Variants in ADAMTS6 observed in about 807,000 individuals in gnomAD.
ADAMTS6 encodes A disintegrin and metalloproteinase with thrombospondin motifs 6.
A neutral mutation model predicts 144.3 loss-of-function variants in ADAMTS6; 23 were observed. The observed-to-expected ratio is 0.16, with a 90% confidence interval of 0.11 to 0.23. The LOEUF (loss-of-function observed/expected upper bound fraction) is 0.23. ADAMTS6 is among the 10% of genes least tolerant of loss of function. The pLI is 1.00. For synonymous variants in ADAMTS6, 444 were observed against 457.5 expected, an observed-to-expected ratio of 0.97 and a Z score of 0.38; for missense variants, 999 against 1,379.6, an observed-to-expected ratio of 0.72 and a Z score of 4.37.
At chr5:65,383,374 A>G (rs556504688) in intron 7 of ADAMTS6, among the ~76,000 whole-genome samples, 2 of 152,278 alleles carry the variant, frequency 1.3e-5, no homozygotes, top group African/African-American at 4.8e-5. Flanking sequence ...AAACTTCCAA[A>G]ATACAATGGT....
intron 24 of ADAMTS6, among the ~76,000 whole-genome samples, chr5:65,158,064 C>T (rs1014464906): frequency 6.6e-6 from 1 of 152,114 alleles, no homozygotes; most frequent in East Asian, 1.9e-4. Context: ...AATCTCAACC[C>T]AAATCCAGGG....
chr5:65,262,695 G>T (rs1202834761), intron 13 of ADAMTS6, 122 bp downstream of exon 13: 38 of 1,206,614 alleles, frequency 3.1e-5, no homozygotes, highest in Non-Finnish European at 2.2e-6. Context: ...CCTATGGCTT[G>T]TTCTGAAGAC....
intron 7 of ADAMTS6, among the ~76,000 whole-genome samples, chr5:65,369,277 G>T (rs892336384): frequency 6.6e-6 from 1 of 151,988 alleles, no homozygotes; most frequent in African/African-American, 2.4e-5. Context: ...TATAAATTGG[G>T]TAAGTTTATA....
At chr5:65,466,973 C>T (rs1425518986) in intron 3 of ADAMTS6, among the ~76,000 whole-genome samples, 3 of 150,170 alleles carry the variant, frequency 2.0e-5, no homozygotes, top group Non-Finnish European at 3.0e-5. Flanking sequence ...ACCCGGGAGG[C>T]GGAGCTTGCA....
chr5:65,444,823 T>C (rs1170621018), intron 7 of ADAMTS6, among the ~76,000 whole-genome samples: 1 of 152,200 alleles, frequency 6.6e-6, no homozygotes, highest in Non-Finnish European at 1.5e-5. Flanking sequence ...AAGGACTTTG[T>C]AGCAAGACTG....
chr5:65,266,185 C>CA (rs1401299923), intron 12 of ADAMTS6, among the ~76,000 whole-genome samples: 2 of 151,792 alleles, frequency 1.3e-5, no homozygotes, highest in African/African-American at 4.8e-5. Flanking sequence ...AGAATGCTCA[C>CA]AAAATGTAGG....
intron 3 of ADAMTS6, among the ~76,000 whole-genome samples, chr5:65,466,788 A>G (rs1287505638): frequency 5.3e-5 from 8 of 152,212 alleles, no homozygotes; most frequent in Non-Finnish European, 4.4e-5. Flanking sequence ...CACGCCTGTA[A>G]TCCCAGCACT....
intron 22 of ADAMTS6, among the ~76,000 whole-genome samples, chr5:65,184,601 G>A (rs1322198099): frequency 6.6e-6 from 1 of 152,144 alleles, no homozygotes; most frequent in Non-Finnish European, 1.5e-5. Context: ...CAAAAGCATG[G>A]GTTAGGGCTG....
At chr5:65,261,627 A>C (rs1561345482) in intron 13 of ADAMTS6, among the ~76,000 whole-genome samples, 1 of 152,162 alleles carries the variant, frequency 6.6e-6, no homozygotes, top group African/African-American at 2.4e-5. Flanking sequence ...GTGAATGCTG[A>C]CTCTAAGTAA....
At chr5:65,196,899 T>A (rs771846664) in intron 21 of ADAMTS6, 123 bp downstream of exon 21, 9 of 1,210,820 alleles carry the variant, frequency 7.4e-6, no homozygotes, top group African/African-American at 1.5e-5. Flanking sequence ...CCTCTCAGGA[T>A]GTTTTCTACC....
intron 23 of ADAMTS6, among the ~76,000 whole-genome samples, chr5:65,171,282 T>C (rs1753612398): frequency 6.6e-6 from 1 of 152,166 alleles, no homozygotes; most frequent in African/African-American, 2.4e-5. Context: ...ATCCTGGGAT[T>C]ACAGGTGTGA....
intron 7 of ADAMTS6, among the ~76,000 whole-genome samples, chr5:65,368,825 C>G (rs1466177662): frequency 1.3e-5 from 2 of 152,044 alleles, no homozygotes; most frequent in African/African-American, 4.8e-5. Context: ...GAGGCCGAGG[C>G]GGGTGTATTA....
At chr5:65,289,886 T>C (rs1157554043) in intron 11 of ADAMTS6, among the ~76,000 whole-genome samples, 1 of 152,212 alleles carries the variant, frequency 6.6e-6, no homozygotes, top group East Asian at 1.9e-4. Flanking sequence ...TGAATTTCAA[T>C]GTATTAATCC....
intron 7 of ADAMTS6, among the ~76,000 whole-genome samples, chr5:65,348,910 A>C (rs1280067289): frequency 4.6e-5 from 7 of 152,194 alleles, no homozygotes; most frequent in African/African-American, 1.7e-4. Context: ...CTTTATGAAC[A>C]ATAAAAAATT....
chr5:65,369,824 T>A (rs1177289288), intron 7 of ADAMTS6, among the ~76,000 whole-genome samples: 2 of 152,206 alleles, frequency 1.3e-5, no homozygotes, highest in East Asian at 3.8e-4. Context: ...ACATTTTCTC[T>A]TGCTGTGATT....
intron 10 of ADAMTS6, among the ~76,000 whole-genome samples, chr5:65,298,295 C>G (rs999465692): frequency 3.3e-5 from 5 of 151,700 alleles, no homozygotes; most frequent in Non-Finnish European, 7.4e-5. Context: ...GAAAATGGTA[C>G]AAAAACAAAA....
intron 12 of ADAMTS6, among the ~76,000 whole-genome samples, chr5:65,264,060 T>C (rs1473222013): frequency 2.0e-5 from 3 of 152,214 alleles, no homozygotes; most frequent in Non-Finnish European, 4.4e-5. Flanking sequence ...CTTTTCACCT[T>C]CTTCATCGCT....
chr5:65,204,159 T>C (rs1312059337), intron 20 of ADAMTS6, among the ~76,000 whole-genome samples: 1 of 152,170 alleles, frequency 6.6e-6, no homozygotes, highest in Admixed American at 6.5e-5. Flanking sequence ...CAGCAAAACA[T>C]GTCAAGATTA....
chr5:65,317,242 T>C (rs1203516254), intron 9 of ADAMTS6, among the ~76,000 whole-genome samples: 1 of 152,190 alleles, frequency 6.6e-6, no homozygotes, highest in Admixed American at 6.5e-5. Context: ...TAGTAATTGA[T>C]TGATCAACTA....
Sources: allele counts gnomAD v4.1 joint callset (sites outside exome capture counted in the v4.1 genomes callset), GRCh38; gene constraint gnomAD v4.1.1; transcripts MANE v1.5; gene names NCBI Gene and HGNC (gene_info 2026-07-23, HGNC 2026-07-21).